DCDC2: variants seen among roughly 807,000 people sequenced by gnomAD.
DCDC2 encodes doublecortin domain-containing protein 2.
Under a neutral mutation model 50.2 loss-of-function variants are expected in DCDC2, and 40 were observed. The ratio of observed to expected loss-of-function variants is 0.80; its 90% CI spans 0.62 to 1.04. The LOEUF is 1.04. Among genes scored for constraint, DCDC2 ranks in the 50% least tolerant of loss-of-function variants. DCDC2 has a pLI of 0.00. For missense variants in DCDC2, 570 were observed against 581.9 expected (o/e 0.98, Z 0.21); for synonymous variants, 234 against 210.6 (o/e 1.11, Z -0.96).
At chr6:24,210,790 C>A (rs879826098) in intron 7 of DCDC2, among the ~76,000 whole-genome samples, 1 of 152,230 alleles carries the variant, frequency 6.6e-6, no homozygotes, top group Non-Finnish European at 1.5e-5. Context: ...CATATACAAT[C>A]CAAGTTCCTT....
chr6:24,360,457 CAAG>C (rs894683720), upstream of DCDC2, among the ~76,000 whole-genome samples: 2 of 152,126 alleles, frequency 1.3e-5, no homozygotes, highest in African/African-American at 4.8e-5. Context: ...TTCACTGCCG[CAAG>C]AAGGCTAAAT....
chr6:24,228,508 G>A (rs931045465), intron 7 of DCDC2, among the ~76,000 whole-genome samples: 1 of 152,124 alleles, frequency 6.6e-6, no homozygotes. Flanking sequence ...ATGTAAATGT[G>A]GGATCAATCT....
intron 7 of DCDC2, among the ~76,000 whole-genome samples, chr6:24,251,491 C>A (rs1174918555): frequency 6.6e-6 from 1 of 152,176 alleles, no homozygotes; most frequent in African/African-American, 2.4e-5. Flanking sequence ...ATTCTGCTAT[C>A]TCAGAGAGAA....
chr6:24,179,770 C>T (rs552289432), intron 8 of DCDC2, among the ~76,000 whole-genome samples: 2,045 of 148,658 alleles, frequency 0.014, 28 homozygotes, highest in African/African-American at 0.033. Flanking sequence ...CTGGCTAACA[C>T]GGTGAAACCC....
At chr6:24,203,847 C>G (rs1422840926) in intron 8 of DCDC2, among the ~76,000 whole-genome samples, 2 of 152,172 alleles carry the variant, frequency 1.3e-5, no homozygotes, top group Non-Finnish European at 2.9e-5. Flanking sequence ...AGACACTTCT[C>G]AAAAGAAGAC....
At chr6:24,192,661 T>C (rs985815883) in intron 8 of DCDC2, among the ~76,000 whole-genome samples, 1 of 151,904 alleles carries the variant, frequency 6.6e-6, no homozygotes, top group Non-Finnish European at 1.5e-5. Context: ...ATGTTAAAAA[T>C]AAAATGACTA....
chr6:24,246,135 C>T (rs967357914), intron 7 of DCDC2, among the ~76,000 whole-genome samples: 3 of 151,870 alleles, frequency 2.0e-5, no homozygotes, highest in African/African-American at 7.3e-5. Flanking sequence ...CTGGAGGATA[C>T]ATTTAAGAAA....
intron 2 of DCDC2, among the ~76,000 whole-genome samples, chr6:24,311,054 G>A (rs1759562501): frequency 6.6e-6 from 1 of 152,132 alleles, no homozygotes; most frequent in Non-Finnish European, 1.5e-5. Context: ...TCTTCCTGAA[G>A]CACAGACCCA....
intron 9 of DCDC2, among the ~76,000 whole-genome samples, chr6:24,175,938 T>G (rs1402378782): frequency 6.6e-6 from 1 of 152,182 alleles, no homozygotes; most frequent in Non-Finnish European, 1.5e-5. Flanking sequence ...TATATCATTG[T>G]TATAAGTAAG....
At position 24,330,391 on chromosome 6, in the gene DCDC2, A is replaced by G. The variant is rs191807186; in HGVS notation, c.348+23178T>C. ...AAATTTCAATCTTCACACCGTGGGG[A>G]GTACAATAATAAACCAAAGTAAAGG... On this transcript the variant is annotated intron_variant, in intron 2 of 9. Transcript: ENST00000378454. Among the ~76,000 whole-genome samples the G allele has an allele frequency of 2.8e-3, 425 of 152,308 alleles. 1 individual carries two copies. Among genetic ancestry groups the G allele is most frequent in the African/African-American group, 9.9e-3 (412 of 41,564 alleles).
chr6:24,245,146 A>T (rs545275277), intron 7 of DCDC2, among the ~76,000 whole-genome samples: 1 of 152,334 alleles, frequency 6.6e-6, no homozygotes, highest in East Asian at 1.9e-4. Context: ...GTGAGCTGAG[A>T]TCATGCCACT....
At chr6:24,184,700 A>C (rs1761153837) in intron 8 of DCDC2, among the ~76,000 whole-genome samples, 1 of 152,220 alleles carries the variant, frequency 6.6e-6, no homozygotes, top group Non-Finnish European at 1.5e-5. Flanking sequence ...GAGTACCTGA[A>C]GCAGTATATA....
At chr6:24,224,961 T>A (rs1762197303) in intron 7 of DCDC2, among the ~76,000 whole-genome samples, 1 of 152,210 alleles carries the variant, frequency 6.6e-6, no homozygotes, top group East Asian at 1.9e-4. Flanking sequence ...AACAGAGTTA[T>A]GCAACCAATT....
chr6:24,364,722 T>C, the DCDC2 span, among the ~76,000 whole-genome samples: 1 of 151,582 alleles, frequency 6.6e-6, no homozygotes, highest in Non-Finnish European at 1.5e-5. Flanking sequence ...GAAGGAAACA[T>C]ATTTTCAGAT....
In DCDC2 at chr6:24,283,513, T is replaced by C. The variant is rs145546529; in HGVS notation, c.760-5302A>G. 2.7e-3 allele frequency among the ~76,000 whole-genome samples: 414 copies of C among 151,998 alleles called. 6 individuals carry two copies. The highest frequency in any genetic ancestry group is 0.021 in the Admixed American group (323 of 15,240). On this transcript the variant is annotated intron_variant, in intron 6 of 9. Transcript: ENST00000378454. ...CAAAAGAGCAATTCCTAGAAAGCCA[T>C]GTAGGGAAAAATAAATTTCTAAAAC...
intron 7 of DCDC2, among the ~76,000 whole-genome samples, chr6:24,233,179 C>T (rs544251224): frequency 6.6e-6 from 1 of 152,282 alleles, no homozygotes; most frequent in South Asian, 2.1e-4. Flanking sequence ...TTTAGGTATA[C>T]TGTTAGGTTC....
the DCDC2 span, among the ~76,000 whole-genome samples, chr6:24,372,607 TC>T: frequency 6.6e-6 from 1 of 152,062 alleles, no homozygotes; most frequent in South Asian, 2.1e-4. Context: ...TGAGTTCATG[TC>T]CCTTGTAGGG....
At chr6:24,306,178 C>G (rs1477310154) in intron 2 of DCDC2, among the ~76,000 whole-genome samples, 1 of 152,112 alleles carries the variant, frequency 6.6e-6, no homozygotes, top group Admixed American at 6.6e-5. Context: ...GGATGGAGTT[C>G]ACTGGTGAGC....
intron 2 of DCDC2, among the ~76,000 whole-genome samples, chr6:24,338,385 C>T (rs896096610): frequency 6.6e-6 from 1 of 152,154 alleles, no homozygotes; most frequent in Non-Finnish European, 1.5e-5. Context: ...CCTGTCTTCA[C>T]GAAAGGGAAT....
Sources: gnomAD v4.1 joint callset for allele counts (sites outside exome capture counted in the v4.1 genomes callset) on GRCh38, gnomAD v4.1.1 for gene constraint, MANE v1.5 for transcripts, NCBI Gene and HGNC (gene_info 2026-07-23, HGNC 2026-07-21) for gene names.